Variants in MBLAC2 observed in about 807,000 individuals in gnomAD.
The protein encoded by MBLAC2 is acyl-coenzyme A thioesterase MBLAC2.
Under a neutral mutation model 23.3 loss-of-function variants are expected in MBLAC2, and 24 were observed. The observed-to-expected ratio is 1.03, with a 90% CI of 0.75 to 1.45. The LOEUF is 1.45. MBLAC2 is among the 40% of genes most tolerant of loss of function. The pLI, the probability that MBLAC2 is intolerant of heterozygous loss-of-function variation, is 0.00. For synonymous variants in MBLAC2, 162 were observed against 150.9 expected, an observed-to-expected ratio of 1.07 and a Z score of -0.54; for missense variants, 358 against 370.0, an observed-to-expected ratio of 0.97 and a Z score of 0.27.
Position 90,474,097 on chromosome 5 carries a change from G to T in MBLAC2, c.196C>A (p.Arg66=), listed in dbSNP as rs1320543906. Residue 66 remains arginine (R), a synonymous_variant, in exon 1 of 2, where the codon CGA becomes AGA. Transcript: ENST00000316610. ...CGCGCCGCGTCCTCTTTGGCCTCTC[G>T]GTCCTGCAAGAGGCCGGAGGAGTAC... ...YLYSSGLLQD[R]EAKEDAARRP... The T allele has an allele frequency of 6.3e-7, 1 of 1,575,330 alleles. No individual in the cohort carries two copies. Among genetic ancestry groups the T allele is most frequent in the South Asian group, 1.2e-5 (1 of 86,616 alleles).
In MBLAC2 at chr5:90,459,681, ATGT is replaced by A. The variant is rs1419913841; in HGVS notation, c.*1483_*1485del. The stretch of plus-strand genomic sequence containing the variant: ...TGTGTGCTTTCGACTTTTAGTTATA[ATGT>A]TGTCTTTGACTTTTTTTAGCCTCCA... On this transcript the variant is annotated 3_prime_UTR_variant, in exon 2 of 2. Coordinates refer to ENST00000316610, the MANE Select transcript of MBLAC2 (RefSeq NM_203406.2). 4 of 152,064 alleles carry A rather than the reference ATGT, an allele frequency of 2.6e-5. No homozygotes were observed. Among genetic ancestry groups the A allele is most frequent in the Non-Finnish European group, 5.9e-5 (4 of 67,944 alleles). 9.4% of individuals were successfully genotyped at this position (152,064 alleles called of 1,614,324 possible). A position where few individuals can be genotyped will look rare whatever the true frequency, so the allele number is the denominator to read the frequency against.
Position 90,474,179 on chromosome 5 carries a change from G to A in MBLAC2, c.114C>T (p.Ser38=), listed in dbSNP as rs767269743. The A allele has an allele frequency of 4.4e-6, 7 of 1,606,002 alleles. No individual in the cohort carries two copies. The highest frequency in any genetic ancestry group is 1.3e-5 in the African/African-American group (1 of 74,822). ...NRANIWLVRG[S]EQDVVIDTGL... is the part of the protein sequence containing the mutation. ...CTGTATCGATCACCACGTCCTGCTC[G>A]GAGCCGCGCACCAGCCAGATGTTGG... is the stretch of plus-strand genomic sequence containing the variant. The change falls in exon 1 of 2, where the codon TCC becomes TCT. Residue 38 remains serine (S), a synonymous_variant. Transcript: ENST00000316610.
chr5:90,472,281 C>G (rs1448136073), intron 1 of MBLAC2, among the ~76,000 whole-genome samples: 5 of 152,120 alleles, frequency 3.3e-5, no homozygotes, highest in Non-Finnish European at 7.4e-5. Context: ...GTCTGAATAC[C>G]TATCAACTGC....
At chr5:90,473,507 G>C (rs918306978) in intron 1 of MBLAC2, 12 of 586,862 alleles carry the variant, frequency 2.0e-5, no homozygotes, top group Non-Finnish European at 3.3e-5. Flanking sequence ...CTTAGGGAAA[G>C]AATGAGAAAT....
In MBLAC2 at chr5:90,461,172, G is replaced by A. The variant is rs774726265; in HGVS notation, c.835C>T (p.Pro279Ser). The A allele has an allele frequency of 3.8e-6, 6 of 1,591,540 alleles. No homozygotes were observed. The South Asian group carries it at 6.9e-5, about 18-fold the overall frequency. Residue 279 changes from proline to serine, a missense_variant, in exon 2 of 2, where the codon CCC (proline) becomes TCC (serine). Pro to Ser is a moderately conservative substitution (Grantham distance 74). Coordinates refer to ENST00000316610, the MANE Select transcript of MBLAC2 (RefSeq NM_203406.2). ...ALRVTNSRTSP is the reference protein window; with the variant it reads ...ALRVTNSRTSS ...ATATATTATCAGTATAGATACTAGGGCGAGGTCCTAGAATTTGTTACACGT... is the reference window on the plus strand; with the variant it reads ...ATATATTATCAGTATAGATACTAGGACGAGGTCCTAGAATTTGTTACACGT...
intron 1 of MBLAC2, 68 bp from the exon 2 acceptor site, chr5:90,461,620 G>A: frequency 1.4e-6 from 2 of 1,397,662 alleles, no homozygotes; most frequent in South Asian, 2.8e-5. Flanking sequence ...AAGCATACTA[G>A]AGCATTATAT....
intron 1 of MBLAC2, among the ~76,000 whole-genome samples, chr5:90,466,181 T>C (rs1230334736): frequency 1.3e-5 from 2 of 152,168 alleles, no homozygotes; most frequent in Non-Finnish European, 2.9e-5. Context: ...ATAATCGATA[T>C]AACAGAGAGT....
chr5:90,469,773 T>C (rs1381141040), intron 1 of MBLAC2, among the ~76,000 whole-genome samples: 1 of 152,184 alleles, frequency 6.6e-6, no homozygotes, highest in Non-Finnish European at 1.5e-5. Context: ...GCTTGTACCC[T>C]GTTAGTGGGG....
intron 1 of MBLAC2, among the ~76,000 whole-genome samples, chr5:90,467,636 T>C (rs901152565): frequency 1.5e-4 from 23 of 152,076 alleles, no homozygotes; most frequent in Non-Finnish European, 1.0e-4. Flanking sequence ...TCTGTCATTC[T>C]ATATCTTTTA....
At chr5:90,463,186 C>A (rs1474655944) in intron 1 of MBLAC2, among the ~76,000 whole-genome samples, 1 of 152,234 alleles carries the variant, frequency 6.6e-6, no homozygotes, top group East Asian at 1.9e-4. Flanking sequence ...CAGGTTCAAA[C>A]AATTCTTGTG....
rs936699840 is a variant in MBLAC2 at position 90,474,432 on chromosome 5, G to A, written c.-140C>T. 6.6e-6 allele frequency: 5 copies of A among 752,814 alleles called. No individual in the cohort carries two copies. Among genetic ancestry groups the A allele is most frequent in the Admixed American group, 2.7e-5 (1 of 37,040 alleles). The allele number at this position is 752,814 out of a possible 1,614,324, so 46.6% of individuals were successfully genotyped here. A position where few individuals can be genotyped will look rare whatever the true frequency, so the allele number is the denominator to read the frequency against. Reference sequence around the variant, plus strand: ...GGCGTAGAGCGAGGCGGGGGCGTGGGATGCGGGGGTCGGAATAGGAGGAGG... The same window carrying A: ...GGCGTAGAGCGAGGCGGGGGCGTGGAATGCGGGGGTCGGAATAGGAGGAGG... On this transcript the variant is annotated 5_prime_UTR_variant, in exon 1 of 2. Coordinates refer to ENST00000316610, the MANE Select transcript of MBLAC2 (RefSeq NM_203406.2).
In MBLAC2 at chr5:90,461,432, T is replaced by C; in HGVS notation, c.575A>G (p.Tyr192Cys). ...GAGCCAGTCAATCAGTGATCCATCA[T>C]ACACGACGTCTCCACTGAAGAGAAT... is the stretch of plus-strand genomic sequence containing the variant. ...RKILFSGDVV[Y>C]DGSLIDWLPY... Residue 192 changes from tyrosine to cysteine, a missense_variant, in exon 2 of 2, where the codon TAT (tyrosine) becomes TGT (cysteine). Transcript: ENST00000316610. 1 of 1,614,218 alleles carries C rather than the reference T, an allele frequency of 6.2e-7. No individual in the cohort carries two copies. Among genetic ancestry groups the C allele is most frequent in the Non-Finnish European group, 8.5e-7 (1 of 1,180,026 alleles).
intron 1 of MBLAC2, among the ~76,000 whole-genome samples, chr5:90,465,484 T>C (rs1342331061): frequency 2.0e-5 from 3 of 152,222 alleles, no homozygotes; most frequent in Admixed American, 1.3e-4. Context: ...TCTGCAATGA[T>C]TGAAATGTTG....
At chr5:90,464,365 G>A (rs1157753985) in intron 1 of MBLAC2, among the ~76,000 whole-genome samples, 2 of 152,106 alleles carry the variant, frequency 1.3e-5, no homozygotes, top group African/African-American at 4.8e-5. Context: ...GAGGCCAGGA[G>A]TTTGAGACCA....
At chr5:90,473,673 C>A (rs1171618974) in intron 1 of MBLAC2, 166 bp downstream of exon 1, 1 of 738,816 alleles carries the variant, frequency 1.4e-6, no homozygotes, top group Non-Finnish European at 2.4e-6. Context: ...GGCCTTGACT[C>A]TGGTCAAGTG....
intron 1 of MBLAC2, among the ~76,000 whole-genome samples, chr5:90,468,798 T>C (rs182830206): frequency 1.1e-3 from 175 of 152,264 alleles, no homozygotes; most frequent in Non-Finnish European, 2.1e-3. Context: ...TGCAAATATA[T>C]AGAAATTAAA....
At position 90,460,426 on chromosome 5, in the gene MBLAC2, C is replaced by G. The variant is rs1750347086; in HGVS notation, c.*741G>C. 1 of 152,496 alleles carries G rather than the reference C, an allele frequency of 6.6e-6. No homozygotes were observed. The allele number at this position is 152,496 out of a possible 1,614,324, so 9.4% of individuals were successfully genotyped here. A position where few individuals can be genotyped will look rare whatever the true frequency, so the allele number is the denominator to read the frequency against. ...GCCTGACAGTGTCCTTTTAAGAAAT[C>G]TGACAATTTGTAGTTAGATAACAGA... On this transcript the variant is annotated 3_prime_UTR_variant, in exon 2 of 2. Transcript: ENST00000316610.
chr5:90,462,324 G>A (rs1175940809), intron 1 of MBLAC2, among the ~76,000 whole-genome samples: 1 of 151,892 alleles, frequency 6.6e-6, no homozygotes, highest in Non-Finnish European at 1.5e-5. Context: ...AGTAAATCAT[G>A]GTAAATTAAA....
At position 90,460,932 on chromosome 5, in the gene MBLAC2, A is replaced by G. The variant is rs1294211233; in HGVS notation, c.*235T>C. The G allele has an allele frequency of 2.5e-6, 1 of 398,120 alleles. No individual in the cohort carries two copies. The allele number at this position is 398,120 out of a possible 1,614,324, so 24.7% of individuals were successfully genotyped here. A position where few individuals can be genotyped will look rare whatever the true frequency, so the allele number is the denominator to read the frequency against. On this transcript the variant is annotated 3_prime_UTR_variant, in exon 2 of 2. Coordinates refer to ENST00000316610, the MANE Select transcript of MBLAC2 (RefSeq NM_203406.2). ...AACCTTTATGTCATTTCTAGAGCAT[A>G]TATTACAAGATGACAGCTTTGGCAA...
Sources: allele counts gnomAD v4.1 joint callset (sites outside exome capture counted in the v4.1 genomes callset), GRCh38; gene constraint gnomAD v4.1.1; transcripts MANE v1.5; gene names NCBI Gene and HGNC (gene_info 2026-07-23, HGNC 2026-07-21).